The following JPH3 variants were observed in gnomAD, a reference collection of about 807,000 sequenced individuals.
JPH3 encodes the protein junctophilin 3.
Under a neutral mutation model 59.6 loss-of-function variants are expected in JPH3, and 11 were observed. That is an observed-to-expected ratio of 0.18 (90% CI 0.12 to 0.31). JPH3 has a LOEUF of 0.31. JPH3 is among the 10% of genes least tolerant of loss of function. The probability of loss-of-function intolerance (pLI) is 1.00; values close to 1 mark genes in which losing one functional copy is unlikely to be tolerated. For synonymous variants in JPH3, 673 were observed against 483.6 expected (o/e 1.39, Z -5.14); for missense variants, 1,202 against 1,105.7 (o/e 1.09, Z -1.24).
intron 2 of JPH3, among the ~76,000 whole-genome samples, chr16:87,678,677 T>C (rs78212470): frequency 6.6e-6 from 1 of 152,142 alleles, no homozygotes; most frequent in East Asian, 1.9e-4. Flanking sequence ...GGAATAAGGG[T>C]CTCTGCAAAT....
At chr16:87,665,364 C>T (rs561625372) in intron 2 of JPH3, among the ~76,000 whole-genome samples, 191 of 144,514 alleles carry the variant, frequency 1.3e-3, no homozygotes, top group African/African-American at 5.4e-3. Flanking sequence ...AGCCAGGTCA[C>T]CCTGGAGAAC....
Position 87,677,225 on chromosome 16 carries a change from CAAAAA to C in JPH3, c.1161-6910_1161-6906del, listed in dbSNP as rs59575544. ...ACACACACACACACACACACACACA[CAAAAA>C]AAAAAATTAGCCGGGTGTGGTGGGC... is the stretch of plus-strand genomic sequence containing the variant. On this transcript the variant is annotated intron_variant, in intron 2 of 4. Coordinates refer to ENST00000284262, the MANE Select transcript of JPH3 (RefSeq NM_020655.4). Among the ~76,000 whole-genome samples, 6 of 81,726 alleles carry C rather than the reference CAAAAA, an allele frequency of 7.3e-5. 1 individual carries two copies. In the East Asian group the frequency reaches 1.3e-3, roughly 17 times the overall value. The allele number at this position is 81,726 out of a possible 152,430, so 53.6% of individuals were successfully genotyped here.
rs2030380576 is a variant in JPH3, at chr16:87,604,027, G to A, written c.382+499G>A. 4.2e-6 allele frequency: 4 copies of A among 941,818 alleles called. No individual in the cohort carries two copies. The South Asian group carries it at 2.0e-4, about 46-fold the overall frequency. 58.3% of individuals were successfully genotyped at this position (941,818 alleles called of 1,614,324 possible). A position where few individuals can be genotyped will look rare whatever the true frequency, so the allele number is the denominator to read the frequency against. ...CCCAAGCCGAGAGAAAGGGAGTGAT[G>A]GGGAGCGCTAGGGGCGGGGGATGCC... On this transcript the variant is annotated intron_variant, in intron 1 of 4. Coordinates refer to ENST00000284262, the MANE Select transcript of JPH3 (RefSeq NM_020655.4).
chr16:87,666,828 T>C (rs1293114259), intron 2 of JPH3, among the ~76,000 whole-genome samples: 3 of 152,200 alleles, frequency 2.0e-5, no homozygotes, highest in Non-Finnish European at 4.4e-5. Flanking sequence ...ATTCTATAGA[T>C]GGGGAAACAG....
intron 1 of JPH3, among the ~76,000 whole-genome samples, chr16:87,627,688 G>A (rs559673830): frequency 6.6e-6 from 1 of 152,322 alleles, no homozygotes; most frequent in Non-Finnish European, 1.5e-5. Context: ...TACAGTATGG[G>A]GAAGGTGAGG....
At chr16:87,603,865 G>C (rs1231716943) in intron 1 of JPH3, among the ~76,000 whole-genome samples, 1 of 152,234 alleles carries the variant, frequency 6.6e-6, no homozygotes, top group Admixed American at 6.5e-5. Context: ...AACCCAGCAA[G>C]GGCAGAGGGG....
intron 2 of JPH3, chr16:87,654,215 A>T (rs989095629): frequency 6.6e-6 from 1 of 152,118 alleles, no homozygotes; most frequent in Non-Finnish European, 1.5e-5. Context: ...GTGAGCTCCA[A>T]TGCATCCCTC....
intron 2 of JPH3, among the ~76,000 whole-genome samples, chr16:87,682,513 G>A (rs576647150): frequency 2.1e-4 from 32 of 152,264 alleles, no homozygotes; most frequent in Admixed American, 1.0e-3. Flanking sequence ...GCCTCAGAGA[G>A]CACCCTCGCT....
Position 87,644,910 on chromosome 16 carries a change from C to G in JPH3, c.1035C>G (p.Gly345=). The change falls in exon 2 of 5, where the codon GGC becomes GGG. Residue 345 remains glycine (G), a synonymous_variant. Transcript: ENST00000284262. The stretch of plus-strand genomic sequence containing the variant: ...AGTACAAGCAGAACATCCTCGTCGG[C>G]GGCAAGCGCAAGAACCTCATCCCCC... ...EGKYKQNILV[G]GKRKNLIPLR... The G allele has an allele frequency of 6.2e-7, 1 of 1,612,958 alleles. No homozygotes were observed. Among genetic ancestry groups the G allele is most frequent in the Non-Finnish European group, 8.5e-7 (1 of 1,179,922 alleles).
intron 1 of JPH3, among the ~76,000 whole-genome samples, chr16:87,638,216 GCCT>G (rs1351203451): frequency 2.0e-5 from 3 of 152,126 alleles, no homozygotes. Flanking sequence ...ACCACACCCG[GCCT>G]CCTTTTAAAA....
chr16:87,604,226 G>A (rs1597229247), intron 1 of JPH3: 1 of 1,441,656 alleles, frequency 6.9e-7, no homozygotes, highest in South Asian at 1.2e-5. Context: ...ATCGATCTGT[G>A]CCTTCATTCT....
intron 3 of JPH3, among the ~76,000 whole-genome samples, chr16:87,687,963 C>T (rs761012868): frequency 1.8e-4 from 28 of 152,180 alleles, no homozygotes; most frequent in African/African-American, 5.5e-4. Flanking sequence ...GTGGGTGATC[C>T]GTGGGCATGA....
intron 1 of JPH3, among the ~76,000 whole-genome samples, chr16:87,625,134 T>C (rs2031323903): frequency 6.6e-6 from 1 of 152,222 alleles, no homozygotes; most frequent in Non-Finnish European, 1.5e-5. Flanking sequence ...AGTCTCACTC[T>C]GTGAGCCAGC....
intron 2 of JPH3, among the ~76,000 whole-genome samples, chr16:87,678,720 C>T (rs1264545189): frequency 6.6e-6 from 1 of 152,190 alleles, no homozygotes; most frequent in East Asian, 1.9e-4. Flanking sequence ...ATGAGATTCT[C>T]CTGGATCAGG....
chr16:87,639,417 C>CT (rs1313539058), intron 1 of JPH3, among the ~76,000 whole-genome samples: 3 of 152,216 alleles, frequency 2.0e-5, no homozygotes, highest in Non-Finnish European at 2.9e-5. Context: ...GGCACCTTCA[C>CT]TTTAAACGTT....
intron 2 of JPH3, among the ~76,000 whole-genome samples, chr16:87,658,603 AC>A (rs2032589277): frequency 6.6e-6 from 1 of 151,996 alleles, no homozygotes; most frequent in Non-Finnish European, 1.5e-5. Context: ...CCTGAAACAG[AC>A]CCAGGGCATG....
chr16:87,665,138 TG>T (rs1333406213), intron 2 of JPH3, among the ~76,000 whole-genome samples: 3 of 152,240 alleles, frequency 2.0e-5, no homozygotes, highest in Admixed American at 6.5e-5. Context: ...ACAGTCTTTA[TG>T]GGGGAGATCA....
intron 2 of JPH3, 58 bp from the exon 3 acceptor site, chr16:87,684,084 C>T (rs950367736): frequency 8.0e-6 from 11 of 1,380,960 alleles, no homozygotes; most frequent in Non-Finnish European, 1.0e-5. Flanking sequence ...TACCTCAACC[C>T]AGACCCCTGT....
intron 2 of JPH3, among the ~76,000 whole-genome samples, chr16:87,660,913 G>T (rs2032681114): frequency 6.6e-6 from 1 of 152,234 alleles, no homozygotes; most frequent in Admixed American, 6.5e-5. Flanking sequence ...CATCTGTCCA[G>T]TGGAATGACA....
Sources: allele counts gnomAD v4.1 joint callset (sites outside exome capture counted in the v4.1 genomes callset), GRCh38; gene constraint gnomAD v4.1.1; transcripts MANE v1.5; gene names NCBI Gene and HGNC (gene_info 2026-07-23, HGNC 2026-07-21).